Variants in ITK observed in about 807,000 individuals in gnomAD.
The protein encoded by ITK is IL2 inducible T cell kinase, also known as tyrosine-protein kinase ITK/TSK.
ITK carries 45 observed loss-of-function variants against 87.6 expected under a neutral mutation model. The observed-to-expected ratio is 0.51, with a 90% confidence interval of 0.40 to 0.66. ITK has a LOEUF of 0.66. Ranked by LOEUF, ITK falls within the 30% of genes least tolerant of loss-of-function variation. ITK has a pLI of 0.00. For missense variants in ITK, 605 were observed against 766.3 expected (o/e 0.79, Z 2.48); for synonymous variants, 303 against 273.6 (o/e 1.11, Z -1.06).
chr5:157,225,560 AG>A (rs1754515700), intron 6 of ITK, among the ~76,000 whole-genome samples: 1 of 152,180 alleles, frequency 6.6e-6, no homozygotes. Context: ...CTTCTCTTTA[AG>A]TAGGCTTATC....
At chr5:157,229,319 CA>C (rs1040876330) in intron 7 of ITK, among the ~76,000 whole-genome samples, 23 of 152,246 alleles carry the variant, frequency 1.5e-4, no homozygotes, top group African/African-American at 5.3e-4. Context: ...CTTGTAATTA[CA>C]AAGTGGAGGT....
intron 6 of ITK, among the ~76,000 whole-genome samples, chr5:157,227,876 G>C (rs1235980302): frequency 7.5e-6 from 1 of 133,784 alleles, no homozygotes; most frequent in Non-Finnish European, 1.5e-5. Flanking sequence ...TGTTGCCCAG[G>C]CTGGAGAGCA....
chr5:157,236,148 C>T (rs371597120), intron 8 of ITK, among the ~76,000 whole-genome samples: 5 of 152,128 alleles, frequency 3.3e-5, no homozygotes, highest in East Asian at 1.9e-4. Flanking sequence ...CCGAGGCAGG[C>T]GGATCACTGG....
intron 13 of ITK, chr5:157,244,920 T>C (rs1337696095): frequency 4.2e-6 from 1 of 236,428 alleles, no homozygotes; most frequent in Non-Finnish European, 8.5e-6. Context: ...ATGATTTGTA[T>C]GCACATTAAA....
rs7725123 is a variant in ITK, at chr5:157,192,961, A to G, written c.138+11846A>G. On this transcript the variant is annotated intron_variant, in intron 1 of 16. Coordinates refer to ENST00000422843, the MANE Select transcript of ITK (RefSeq NM_005546.4). ...CATGGAAACTTGGCTCACATTTGTA[A>G]TACCAACACTTTGAGAGGTTGGCAT... Among the ~76,000 whole-genome samples the G allele has an allele frequency of 7.4e-3, 1,121 of 152,326 alleles. 13 individuals carry two copies. The highest frequency in any genetic ancestry group is 0.021 in the African/African-American group (868 of 41,562).
rs73814047 is a variant in ITK, at chr5:157,227,547, T to C, written c.648-749T>C. Reference sequence around the variant, plus strand: ...TCTTTTAGAATCTGTGGTTGGAAAGTCATCTTTTATATTTTAATTATTTTG... The same window carrying C: ...TCTTTTAGAATCTGTGGTTGGAAAGCCATCTTTTATATTTTAATTATTTTG... On this transcript the variant is annotated intron_variant, in intron 6 of 16. Coordinates refer to ENST00000422843, the MANE Select transcript of ITK (RefSeq NM_005546.4). Among the ~76,000 whole-genome samples, 643 of 152,272 alleles carry C rather than the reference T, an allele frequency of 4.2e-3. 6 individuals carry two copies. The highest frequency in any genetic ancestry group is 0.014 in the African/African-American group (597 of 41,562).
At position 157,232,536 on chromosome 5, in the gene ITK, TG is replaced by T; in HGVS notation, c.768+143del. 2 of 670,124 alleles carry T rather than the reference TG, an allele frequency of 3.0e-6. 1 individual carries two copies. The highest frequency in any genetic ancestry group is 5.5e-6 in the Non-Finnish European group (2 of 362,028). The allele number at this position is 670,124 out of a possible 1,614,324, so 41.5% of individuals were successfully genotyped here. Reference sequence around the variant, plus strand: ...GTTCAAGGTTACAGTGAGCTATCATTGTACCACTGCACTTCAGCCTGGGCAA... The same window carrying T: ...GTTCAAGGTTACAGTGAGCTATCATTTACCACTGCACTTCAGCCTGGGCAA... On this transcript the variant is annotated intron_variant, in intron 8 of 16. Coordinates refer to ENST00000422843, the MANE Select transcript of ITK (RefSeq NM_005546.4).
Position 157,238,670 on chromosome 5 carries a change from G to A in ITK, c.851+479G>A, listed in dbSNP as rs541244817. On this transcript the variant is annotated intron_variant, in intron 9 of 16. Coordinates refer to ENST00000422843, the MANE Select transcript of ITK (RefSeq NM_005546.4). ...GGTATTACTATGCTCATTTCACACA[G>A]AAGAAACCGAGGTTCAGGAGCTGAT... 2.0e-5 allele frequency among the ~76,000 whole-genome samples: 3 copies of A among 152,258 alleles called. No homozygotes were observed. In the South Asian group the frequency reaches 6.2e-4, roughly 32 times the overall value.
intron 15 of ITK, 77 bp downstream of exon 15, chr5:157,246,076 C>A (rs1230977020): frequency 1.8e-5 from 18 of 999,740 alleles, no homozygotes; most frequent in Non-Finnish European, 2.9e-5. Context: ...ATGCAGACAA[C>A]CCTACCCACA....
intron 8 of ITK, among the ~76,000 whole-genome samples, chr5:157,232,737 T>C (rs1482256334): frequency 6.6e-6 from 1 of 152,230 alleles, no homozygotes; most frequent in Non-Finnish European, 1.5e-5. Context: ...GGTGAAAATA[T>C]TCTGGGAATT....
intron 6 of ITK, among the ~76,000 whole-genome samples, chr5:157,227,792 A>G (rs898766122): frequency 3.3e-5 from 5 of 150,386 alleles, no homozygotes; most frequent in African/African-American, 1.2e-4. Flanking sequence ...TGCCTTTAAC[A>G]GACAAGTTGC....
Position 157,240,043 on chromosome 5 carries a change from T to C in ITK, c.852-19T>C. ...ATTGCTTCTTAATAATCATTACATTTGTGTTTCATTTGTTTAAGTGAGAAC... is the reference window on the plus strand; with the variant it reads ...ATTGCTTCTTAATAATCATTACATTCGTGTTTCATTTGTTTAAGTGAGAAC... On this transcript the variant is annotated intron_variant, in intron 9 of 16. Transcript: ENST00000422843. The C allele has an allele frequency of 6.2e-7, 1 of 1,608,946 alleles. No individual in the cohort carries two copies. Among genetic ancestry groups the C allele is most frequent in the South Asian group, 1.1e-5 (1 of 90,920 alleles).
In ITK at chr5:157,237,946, G is replaced by A. The variant is rs1017062274; in HGVS notation, c.769-163G>A. 1.2e-4 allele frequency among the ~76,000 whole-genome samples: 18 copies of A among 152,168 alleles called. No homozygotes were observed. The South Asian group carries it at 1.7e-3, about 14-fold the overall frequency. ...ATGTAGGAGACCAAGAAATATCTAC[G>A]GAAGGACAGGAGTAAATGAAACGGT... On this transcript the variant is annotated intron_variant, in intron 8 of 16. Coordinates refer to ENST00000422843, the MANE Select transcript of ITK (RefSeq NM_005546.4).
chr5:157,246,602 T>C (rs1755023626), intron 15 of ITK, among the ~76,000 whole-genome samples: 1 of 152,150 alleles, frequency 6.6e-6, no homozygotes, highest in Non-Finnish European at 1.5e-5. Flanking sequence ...GTAGGTGCTA[T>C]GAATAAAATA....
intron 9 of ITK, 30 bp from the exon 10 acceptor site, chr5:157,240,032 A>G: frequency 1.2e-6 from 2 of 1,606,058 alleles, no homozygotes; most frequent in South Asian, 1.1e-5. Flanking sequence ...CTTCTTAATA[A>G]TCATTACATT....
chr5:157,210,664 G>A (rs376334320), intron 2 of ITK, among the ~76,000 whole-genome samples: 15 of 148,146 alleles, frequency 1.0e-4, no homozygotes, highest in African/African-American at 2.7e-4. Flanking sequence ...ATCTAGCATT[G>A]GGTATATCTC....
At chr5:157,224,350 G>A (rs1754488774) in intron 6 of ITK, 1 of 151,540 alleles carries the variant, frequency 6.6e-6, no homozygotes, top group Non-Finnish European at 1.5e-5. Context: ...TTATACCTGT[G>A]CAAATGCATC....
At chr5:157,237,919 C>A (rs938759781) in intron 8 of ITK, among the ~76,000 whole-genome samples, 190 bp from the exon 9 acceptor site, 1 of 152,224 alleles carries the variant, frequency 6.6e-6, no homozygotes, top group Non-Finnish European at 1.5e-5. Context: ...AGTCTGGGAT[C>A]CATGTAGGAG....
intron 12 of ITK, 57 bp downstream of exon 12, chr5:157,243,851 T>C (rs1413138543): frequency 1.9e-6 from 3 of 1,542,334 alleles, no homozygotes; most frequent in Non-Finnish European, 2.7e-6. Flanking sequence ...GGTTCAGTGT[T>C]CTTGAAATGC....
Sources: allele counts gnomAD v4.1 joint callset (sites outside exome capture counted in the v4.1 genomes callset), GRCh38; gene constraint gnomAD v4.1.1; transcripts MANE v1.5; gene names NCBI Gene and HGNC (gene_info 2026-07-23, HGNC 2026-07-21).